Variants in DPAGT1 observed in about 807,000 individuals in gnomAD.
DPAGT1 encodes the protein UDP-N-acetylglucosamine--dolichyl-phosphate N-acetylglucosaminephosphotransferase.
A neutral mutation model predicts 39.3 loss-of-function variants in DPAGT1; 25 were observed. The observed-to-expected ratio is 0.64, with a 90% CI of 0.46 to 0.89. DPAGT1 has a LOEUF of 0.89. Ranked by LOEUF, DPAGT1 falls within the 40% of genes least tolerant of loss-of-function variation. The pLI is 0.00. For missense variants in DPAGT1, 381 were observed against 500.6 expected (o/e 0.76, Z 2.28); for synonymous variants, 193 against 201.4 (o/e 0.96, Z 0.36).
chr11:119,094,458 A>C (rs1592222998), downstream of DPAGT1: 3 of 152,286 alleles, frequency 2.0e-5, no homozygotes, highest in Non-Finnish European at 4.4e-5. Context: ...GGCCTCACTC[A>C]CCTTCAGGGC....
At chr11:119,101,322 A>T (rs1946501669) in intron 1 of DPAGT1, 173 bp downstream of exon 1, 1 of 1,413,880 alleles carries the variant, frequency 7.1e-7, no homozygotes, top group Admixed American at 1.7e-5. Flanking sequence ...AAGGGTCCCT[A>T]CCCATCCTTT....
chr11:119,097,599 T>C lies in DPAGT1; in HGVS notation c.918-48A>G. On this transcript the variant is annotated intron_variant, in intron 6 of 8. Transcript: ENST00000354202. The surrounding 1 kb of genome is among the most constrained non-coding windows in gnomAD (Gnocchi z 4.6). ...TGTGACTGGGCCACTATTTGAACCCTCCTCCCTGTGGCTAATAGGAAGAGC... is the reference window on the plus strand; with the variant it reads ...TGTGACTGGGCCACTATTTGAACCCCCCTCCCTGTGGCTAATAGGAAGAGC... The C allele has an allele frequency of 6.2e-7, 1 of 1,601,920 alleles. No homozygotes were observed. Among genetic ancestry groups the C allele is most frequent in the South Asian group, 1.1e-5 (1 of 90,818 alleles).
downstream of DPAGT1, chr11:119,095,545 A>C: frequency 7.2e-6 from 6 of 832,606 alleles, no homozygotes; most frequent in Non-Finnish European, 7.0e-6. Flanking sequence ...CTTTTCTCCA[A>C]TACCCGCCTC....
rs937903557 is a variant in DPAGT1 at position 119,096,632 on chromosome 11, C to T, written c.*366G>A. ...GTCACCGTGGAGCCTGTGTTCCTAG[C>T]CCTGGCCCAAGTTCTATCCCAAAAA... is the stretch of plus-strand genomic sequence containing the variant. On this transcript the variant is annotated 3_prime_UTR_variant, in exon 9 of 9. Transcript: ENST00000354202. 3.6e-5 allele frequency: 14 copies of T among 392,860 alleles called. No individual in the cohort carries two copies. Among genetic ancestry groups the T allele is most frequent in the Non-Finnish European group, 6.2e-5 (13 of 211,104 alleles). The allele number at this position is 392,860 out of a possible 1,614,324, so 24.3% of individuals were successfully genotyped here. A position where few individuals can be genotyped will look rare whatever the true frequency, so the allele number is the denominator to read the frequency against.
rs899547719 is a variant in DPAGT1 at position 119,101,244 on chromosome 11, T to C, written c.162-106A>G. 24 of 1,546,576 alleles carry C rather than the reference T, an allele frequency of 1.6e-5. No homozygotes were observed. In the African/African-American group the frequency reaches 3.3e-4, roughly 21 times the overall value. On this transcript the variant is annotated intron_variant, in intron 1 of 8. Coordinates refer to ENST00000354202, the MANE Select transcript of DPAGT1 (RefSeq NM_001382.4). ...AAAGTGGTCTTCTCATTCCCGGTTT[T>C]TTATTCTGGTAAGTGGTGAGGGGGG... is the stretch of plus-strand genomic sequence containing the variant.
chr11:119,099,212 G>A (rs1441858912), intron 4 of DPAGT1, among the ~76,000 whole-genome samples: 1 of 152,040 alleles, frequency 6.6e-6, no homozygotes, highest in East Asian at 1.9e-4. Flanking sequence ...ATCACCTGAG[G>A]TCAGGAGTTC....
chr11:119,100,774 G>A lies in DPAGT1; in HGVS notation c.352C>T (p.Leu118=). The A allele has an allele frequency of 6.2e-7, 1 of 1,614,188 alleles. No individual in the cohort carries two copies. Residue 118 remains leucine, a synonymous_variant, in exon 3 of 9, where the codon CTG becomes TTG. Coordinates refer to ENST00000354202, the MANE Select transcript of DPAGT1 (RefSeq NM_001382.4). ...MIFLGFADDV[L]NLRWRHKLLL... The stretch of plus-strand genomic sequence containing the variant: ...AGCTTATGGCGCCAGCGCAGATTCA[G>A]TACATCATCCGCAAAGCCCAGGAAG...
Position 119,097,522 on chromosome 11 carries a change from A to G in DPAGT1, c.947T>C (p.Met316Thr), listed in dbSNP as rs1273302857. ...RLNIKTGKLE[M>T]SYSKFKTKSL... ...CTTGGTCTTGAACTTGGAATAGCTC[A>G]TCTCCAGTTTGCCTGTCTTGATATT... The change falls in exon 7 of 9, where the codon ATG becomes ACG. Residue 316 changes from methionine (M) to threonine (T), a missense_variant. Physicochemically the swap from Met to Thr is moderately conservative, Grantham distance 81. Transcript: ENST00000354202. This position sits in a 1 kb window ranked among gnomAD's most constrained non-coding sequence, Gnocchi z 4.6. 1 of 1,612,258 alleles carries G rather than the reference A, an allele frequency of 6.2e-7. No individual in the cohort carries two copies. Among genetic ancestry groups the G allele is most frequent in the Non-Finnish European group, 8.5e-7 (1 of 1,178,234 alleles).
At chr11:119,095,226 C>G (rs527807638), downstream of DPAGT1, 1 of 1,613,936 alleles carries the variant, frequency 6.2e-7, no homozygotes, top group African/African-American at 1.3e-5. Context: ...GTGAGGTACT[C>G]CAGCACTGCC....
At chr11:119,099,780 C>CAAAAAAA (rs57486910) in intron 4 of DPAGT1, among the ~76,000 whole-genome samples, 1 of 75,802 alleles carries the variant, frequency 1.3e-5, no homozygotes, top group Non-Finnish European at 2.4e-5. Flanking sequence ...GACCCTGTCT[C>CAAAAAAA]AAAAAAAAAA....
chr11:119,095,460 A>C, downstream of DPAGT1: 6 of 1,450,002 alleles, frequency 4.1e-6, no homozygotes, highest in Non-Finnish European at 5.4e-6. Flanking sequence ...CCGCAGTGTA[A>C]CTGCTGTCGC....
chr11:119,098,568 GT>G, intron 4 of DPAGT1, 81 bp from the exon 5 acceptor site: 2 of 1,383,556 alleles, frequency 1.4e-6, no homozygotes, highest in Non-Finnish European at 2.0e-6. Flanking sequence ...TCTAAGTTCT[GT>G]TTACAGCTGT....
At chr11:119,095,408 AC>A (rs774060290), downstream of DPAGT1, 22 of 1,526,068 alleles carry the variant, frequency 1.4e-5, no homozygotes, top group Non-Finnish European at 1.9e-5. Context: ...AGCGAGGTAG[AC>A]CGGTGAAGCA....
intron 4 of DPAGT1, among the ~76,000 whole-genome samples, chr11:119,099,697 G>A (rs1169093926): frequency 6.6e-6 from 1 of 150,716 alleles, no homozygotes; most frequent in Admixed American, 6.6e-5. Flanking sequence ...GCTGGGGCAG[G>A]AGGATCGTTT....
At chr11:119,095,482 G>T (rs953850409), downstream of DPAGT1, 8 of 1,388,558 alleles carry the variant, frequency 5.8e-6, no homozygotes, top group Admixed American at 2.8e-5. Flanking sequence ...CGCGCGCCGC[G>T]AGGCCGCCTT....
chr11:119,098,456 G>C lies in DPAGT1; in HGVS notation c.675C>G (p.Leu225=). The C allele has an allele frequency of 6.2e-7, 1 of 1,614,168 alleles. No individual in the cohort carries two copies. The highest frequency in any genetic ancestry group is 8.5e-7 in the Non-Finnish European group (1 of 1,180,006). Residue 225 remains leucine (L), a synonymous_variant, in exon 5 of 9, where the codon CTC becomes CTG. Coordinates refer to ENST00000354202, the MANE Select transcript of DPAGT1 (RefSeq NM_001382.4). Reference sequence around the variant, plus strand: ...TGAAAAAAAAGGGTATCATGAAGTAGAGGGAAAAGACATGATCATCCCGAC... The same window carrying C: ...TGAAAAAAAAGGGTATCATGAAGTACAGGGAAAAGACATGATCATCCCGAC... The part of the protein sequence containing the change: ...GDCRDDHVFS[L]YFMIPFFFTT...
Position 119,097,988 on chromosome 11 carries a change from A to C in DPAGT1, c.784T>G (p.Phe262Val). 1 of 1,614,256 alleles carries C rather than the reference A, an allele frequency of 6.2e-7. No individual in the cohort carries two copies. The highest frequency in any genetic ancestry group is 8.5e-7 in the Non-Finnish European group (1 of 1,180,044). Residue 262 changes from phenylalanine (F) to valine (V), a missense_variant, in exon 6 of 9, where the codon TTT becomes GTT. By Grantham distance (50) the Phe-to-Val change is conservative. Coordinates refer to ENST00000354202, the MANE Select transcript of DPAGT1 (RefSeq NM_001382.4). This position sits in a 1 kb window ranked among gnomAD's most constrained non-coding sequence, Gnocchi z 4.6. ...DTFCYFAGMT[F>V]AVVGILGHFS... ...TGTCCCAAGATGCCCACCACGGCAA[A>C]GGTCATGCCAGCAAAGTAACAGAAG...
intron 4 of DPAGT1, among the ~76,000 whole-genome samples, chr11:119,099,902 T>G (rs979695927): frequency 6.6e-6 from 1 of 151,926 alleles, no homozygotes; most frequent in Admixed American, 6.6e-5. Flanking sequence ...TTGCTCAGTG[T>G]TCTTGTGGTT....
rs1231761182 is a variant in DPAGT1 at position 119,100,985 on chromosome 11, GCCACAGGCAATCAC to G, written c.282+19_282+32del. On this transcript the variant is annotated intron_variant, in intron 2 of 8. Coordinates refer to ENST00000354202, the MANE Select transcript of DPAGT1 (RefSeq NM_001382.4). Reference sequence around the variant, plus strand: ...TCTCTCAGGTACCTCCCAGGTCCCAGCCACAGGCAATCACCCCCACGAACCCACTTACTTCATGG... The same window carrying G: ...TCTCTCAGGTACCTCCCAGGTCCCAGCCCCACGAACCCACTTACTTCATGG... 3 of 1,614,192 alleles carry G rather than the reference GCCACAGGCAATCAC, an allele frequency of 1.9e-6. No homozygotes were observed. The South Asian group carries it at 3.3e-5, about 18-fold the overall frequency.
Sources: allele counts gnomAD v4.1 joint callset (sites outside exome capture counted in the v4.1 genomes callset), GRCh38; gene constraint gnomAD v4.1.1; non-coding constraint Gnocchi (gnomAD v3.1); transcripts MANE v1.5; gene names NCBI Gene and HGNC (gene_info 2026-07-23, HGNC 2026-07-21).